TENM2: variants seen among roughly 807,000 people sequenced by gnomAD.
TENM2 encodes teneurin transmembrane protein 2.
Under a neutral mutation model 245.2 loss-of-function variants are expected in TENM2, and 52 were observed. The ratio of observed to expected loss-of-function variants is 0.21; its 90% CI spans 0.17 to 0.27. TENM2 has a LOEUF of 0.27. Among genes scored for constraint, TENM2 ranks in the 10% least tolerant of loss-of-function variants. The pLI is 1.00. For missense variants in TENM2, 3,046 were observed against 3,666.8 expected (o/e 0.83, Z 4.37); for synonymous variants, 1,363 against 1,438.9 (o/e 0.95, Z 1.19).
At chr5:167,115,603 C>T in the TENM2 span, among the ~76,000 whole-genome samples, 1 of 152,160 alleles carries the variant, frequency 6.6e-6, no homozygotes, top group East Asian at 1.9e-4. Context: ...CAGTAGTTAG[C>T]TGGTTATAAA....
the TENM2 span, among the ~76,000 whole-genome samples, chr5:167,201,865 T>C: frequency 3.4e-4 from 52 of 152,326 alleles, no homozygotes; most frequent in Non-Finnish European, 5.3e-4. Context: ...CTCTCTCCAC[T>C]GTTTTTAGTC....
intron 1 of TENM2, among the ~76,000 whole-genome samples, chr5:167,349,672 A>T (rs1255255361): frequency 6.6e-6 from 1 of 152,136 alleles, no homozygotes; most frequent in Non-Finnish European, 1.5e-5. Flanking sequence ...AATATGCAGT[A>T]TATGTGTGTG....
At chr5:168,048,174 A>G (rs1433158159) in intron 6 of TENM2, among the ~76,000 whole-genome samples, 6 of 150,760 alleles carry the variant, frequency 4.0e-5, no homozygotes, top group Admixed American at 6.6e-5. Flanking sequence ...CCTTGAAGGG[A>G]AAAAAAAAGG....
the TENM2 span, among the ~76,000 whole-genome samples, chr5:167,028,051 CAG>C: frequency 9.1e-6 from 1 of 110,476 alleles, no homozygotes; most frequent in Non-Finnish European, 1.7e-5. Context: ...GCCTGGGTAA[CAG>C]AGTGAGATTC....
intron 9 of TENM2, among the ~76,000 whole-genome samples, chr5:168,108,764 T>C (rs1794449513): frequency 6.6e-6 from 1 of 152,088 alleles, no homozygotes; most frequent in African/African-American, 2.4e-5. Flanking sequence ...CAACAATAAG[T>C]ACTGCCAGCA....
At chr5:167,416,789 C>G (rs997460691) in intron 2 of TENM2, among the ~76,000 whole-genome samples, 1 of 152,084 alleles carries the variant, frequency 6.6e-6, no homozygotes, top group Non-Finnish European at 1.5e-5. Context: ...AACTCCAAAC[C>G]AGATTCATGC....
chr5:167,810,793 C>T (rs1412709170), intron 2 of TENM2, among the ~76,000 whole-genome samples: 14 of 152,092 alleles, frequency 9.2e-5, no homozygotes, highest in Admixed American at 8.5e-4. Flanking sequence ...GCAAGCAGCT[C>T]CTTGAAGAAC....
At chr5:167,422,324 A>G (rs547383802) in intron 2 of TENM2, among the ~76,000 whole-genome samples, 1 of 152,316 alleles carries the variant, frequency 6.6e-6, no homozygotes, top group African/African-American at 2.4e-5. Flanking sequence ...GCAGTTCAAC[A>G]TAATAATTTC....
chr5:167,159,252 T>C, the TENM2 span, among the ~76,000 whole-genome samples: 1 of 151,894 alleles, frequency 6.6e-6, no homozygotes, highest in Non-Finnish European at 1.5e-5. Context: ...CCCATAGCAG[T>C]CTTTAAAGTC....
chr5:167,638,501 C>A (rs1445011130), intron 2 of TENM2, among the ~76,000 whole-genome samples: 1 of 152,100 alleles, frequency 6.6e-6, no homozygotes, highest in African/African-American at 2.4e-5. Context: ...TTTCAGGGAA[C>A]CTGTACATTT....
intron 1 of TENM2, among the ~76,000 whole-genome samples, chr5:167,292,671 G>A (rs1305636481): frequency 6.6e-6 from 1 of 152,032 alleles, no homozygotes; most frequent in Non-Finnish European, 1.5e-5. Context: ...GCAATTTGTG[G>A]GACACAACAA....
At chr5:168,036,523 C>A (rs1388009328) in intron 5 of TENM2, among the ~76,000 whole-genome samples, 2 of 151,528 alleles carry the variant, frequency 1.3e-5, no homozygotes, top group Non-Finnish European at 2.9e-5. Context: ...GTAATCCCAG[C>A]TACTTGGGAG....
intron 1 of TENM2, among the ~76,000 whole-genome samples, chr5:167,309,029 A>G (rs1379244711): frequency 9.4e-6 from 1 of 105,914 alleles, no homozygotes; most frequent in East Asian, 3.4e-4. Flanking sequence ...TTCAATCTCT[A>G]TCTATATTGT....
At chr5:168,076,504 G>C (rs1036865696) in intron 7 of TENM2, among the ~76,000 whole-genome samples, 1 of 151,998 alleles carries the variant, frequency 6.6e-6, no homozygotes, top group Non-Finnish European at 1.5e-5. Context: ...GATTACCGGC[G>C]TGAGCCACTA....
chr5:167,710,747 A>G lies in TENM2; in HGVS notation c.503-165239A>G, dbSNP rs554638211. On this transcript the variant is annotated intron_variant, in intron 2 of 28. Coordinates refer to ENST00000518659, the Ensembl canonical transcript of TENM2. Reference sequence around the variant, plus strand: ...CCTGAGGGCATTGGGAAACCACTGAAAGGTTTTAAGCAAAGGAATGACACA... The same window carrying G: ...CCTGAGGGCATTGGGAAACCACTGAGAGGTTTTAAGCAAAGGAATGACACA... Among the ~76,000 whole-genome samples, 6 of 152,282 alleles carry G rather than the reference A, an allele frequency of 3.9e-5. No homozygotes were observed. In the South Asian group the frequency reaches 1.2e-3, roughly 32 times the overall value.
At chr5:167,578,267 C>A (rs1288309842) in intron 2 of TENM2, among the ~76,000 whole-genome samples, 2 of 152,150 alleles carry the variant, frequency 1.3e-5, no homozygotes, top group Non-Finnish European at 2.9e-5. Flanking sequence ...GGAGGTATTG[C>A]TACCAGTAGC....
chr5:167,925,983 C>T (rs1777730277), intron 3 of TENM2, among the ~76,000 whole-genome samples: 2 of 152,066 alleles, frequency 1.3e-5, no homozygotes, highest in Admixed American at 6.6e-5. Context: ...GGGAGAGGAG[C>T]AGAGAAGATC....
At chr5:167,860,517 C>T (rs1166033132) in intron 2 of TENM2, among the ~76,000 whole-genome samples, 3 of 125,984 alleles carry the variant, frequency 2.4e-5, no homozygotes, top group African/African-American at 1.0e-4. Context: ...CCCCTCTGCC[C>T]GGCCACCACC....
Position 167,865,601 on chromosome 5 carries a change from G to A in TENM2, c.503-10385G>A, listed in dbSNP as rs555275566. ...GAATCAAATTTTATACAACGGTTGC[G>A]TTCTAAAGTCTGAAAATTAACCAAA... is the stretch of plus-strand genomic sequence containing the variant. On this transcript the variant is annotated intron_variant, in intron 2 of 28. Coordinates refer to ENST00000518659, the Ensembl canonical transcript of TENM2. Among the ~76,000 whole-genome samples the A allele has an allele frequency of 7.2e-5, 11 of 152,176 alleles. No individual in the cohort carries two copies. In the East Asian group the frequency reaches 9.7e-4, roughly 13 times the overall value.
Sources: gnomAD v4.1 joint callset for allele counts (sites outside exome capture counted in the v4.1 genomes callset) on GRCh38, gnomAD v4.1.1 for gene constraint, MANE v1.5 for transcripts, NCBI Gene and HGNC (gene_info 2026-07-23, HGNC 2026-07-21) for gene names.